FH: variants seen among roughly 807,000 people sequenced by gnomAD.
FH encodes the protein fumarate hydratase, also known as fumarate hydratase, mitochondrial.
Under a neutral mutation model 49.4 loss-of-function variants are expected in FH, and 22 were observed. That is an observed-to-expected ratio of 0.45 (90% CI 0.32 to 0.64). The LOEUF (loss-of-function observed/expected upper bound fraction) is 0.64, where lower values mean the gene tolerates loss of function less well. Among genes scored for constraint, FH ranks in the 30% least tolerant of loss-of-function variants. The pLI, the probability that FH is intolerant of heterozygous loss-of-function variation, is 0.05. For synonymous variants in FH, 208 were observed against 223.0 expected, an observed-to-expected ratio of 0.93 and a Z score of 0.60; for missense variants, 526 against 641.5, an observed-to-expected ratio of 0.82 and a Z score of 1.95.
At chr1:241,499,403 G>A (rs1659711503) in intron 9 of FH, among the ~76,000 whole-genome samples, 1 of 152,180 alleles carries the variant, frequency 6.6e-6, no homozygotes, top group Admixed American at 6.5e-5. Flanking sequence ...CTGCTCACAC[G>A]AGCCTCTGGG....
intron 4 of FH, among the ~76,000 whole-genome samples, chr1:241,511,600 T>C (rs929401540): frequency 6.6e-6 from 1 of 152,146 alleles, no homozygotes; most frequent in African/African-American, 2.4e-5. Context: ...ACTGTATCTA[T>C]GTTAATTTCT....
Position 241,497,799 on chromosome 1 carries a change from T to A in FH, c.*29A>T. Reference sequence around the variant, plus strand: ...AGTCTGTTTTTTTAAATTTTATACATGTTTATTTTCATTATAAATTTATGT... The same window carrying A: ...AGTCTGTTTTTTTAAATTTTATACAAGTTTATTTTCATTATAAATTTATGT... On this transcript the variant is annotated 3_prime_UTR_variant, in exon 10 of 10. Coordinates refer to ENST00000366560, the MANE Select transcript of FH (RefSeq NM_000143.4). 2 of 1,545,158 alleles carry A rather than the reference T, an allele frequency of 1.3e-6. No individual in the cohort carries two copies. The highest frequency in any genetic ancestry group is 1.8e-6 in the Non-Finnish European group (2 of 1,141,132).
chr1:241,512,008 T>C lies in FH; in HGVS notation c.514A>G (p.Lys172Glu), dbSNP rs201154463. The C allele has an allele frequency of 2.5e-6, 4 of 1,613,928 alleles. No individual in the cohort carries two copies. Among genetic ancestry groups the C allele is most frequent in the African/African-American group, 1.3e-5 (1 of 74,932 alleles). The change falls in exon 4 of 10, where the codon AAG becomes GAG. Residue 172 changes from lysine (K) to glutamate (E), a missense_variant. Lys to Glu is a moderately conservative substitution (Grantham distance 56). This residue lies in a region of FH where 383 missense variants were observed against 514.0 expected (regional missense o/e 0.75). Transcript: ENST00000366560. Reference sequence around the variant, plus strand: ...TGATCGTTGGGATGCACAGGTATCTTGCTGCCAAGTTCACCTCCTAACATT... The same window carrying C: ...TGATCGTTGGGATGCACAGGTATCTCGCTGCCAAGTTCACCTCCTAACATT... Reference protein sequence around the residue: ...IEMLGGELGSKIPVHPNDHVN... With the variant: ...IEMLGGELGSEIPVHPNDHVN...
chr1:241,502,367 G>T, intron 8 of FH, 76 bp downstream of exon 8: 1 of 1,560,430 alleles, frequency 6.4e-7, no homozygotes, highest in Non-Finnish European at 8.8e-7. Context: ...GGAATCACTA[G>T]AAGTCTTTAT....
Position 241,519,251 on chromosome 1 carries a change from G to C in FH, c.132+340C>G, listed in dbSNP as rs549821066. On this transcript the variant is annotated intron_variant, in intron 1 of 9. Coordinates refer to ENST00000366560, the MANE Select transcript of FH (RefSeq NM_000143.4). ...CTTGAGGGCAGCGCCCCGGGGCTGGGGGCCTGCGCGCCAGCAGCAGCGAAG... is the reference window on the plus strand; with the variant it reads ...CTTGAGGGCAGCGCCCCGGGGCTGGCGGCCTGCGCGCCAGCAGCAGCGAAG... 91 of 278,496 alleles carry C rather than the reference G, an allele frequency of 3.3e-4. No homozygotes were observed. The East Asian group carries it at 8.4e-3, about 26-fold the overall frequency. 17.3% of individuals were successfully genotyped at this position (278,496 alleles called of 1,614,324 possible).
At chr1:241,513,313 CAAGTA>C (rs1322409481) in intron 3 of FH, among the ~76,000 whole-genome samples, 1 of 151,880 alleles carries the variant, frequency 6.6e-6, no homozygotes, top group African/African-American at 2.4e-5. Context: ...AATAAAAAAT[CAAGTA>C]AAGTTCAAAT....
intron 4 of FH, among the ~76,000 whole-genome samples, chr1:241,510,627 T>C (rs1270544570): frequency 6.6e-6 from 1 of 152,184 alleles, no homozygotes; most frequent in Non-Finnish European, 1.5e-5. Flanking sequence ...GTAGATAAGA[T>C]TCCCTGATGA....
In FH at chr1:241,505,970, T is replaced by G. The variant is rs754201668; in HGVS notation, c.904+33A>C. 4 of 1,607,418 alleles carry G rather than the reference T, an allele frequency of 2.5e-6. No individual in the cohort carries two copies. The African/African-American group carries it at 4.0e-5, about 16-fold the overall frequency. ...TGTACAGACCACGTATAATGAGAAA[T>G]GAAAATGAGAAATAATTCACGTGAT... On this transcript the variant is annotated intron_variant, in intron 6 of 9. Transcript: ENST00000366560.
chr1:241,512,465 T>C (rs140796721), intron 3 of FH, among the ~76,000 whole-genome samples: 24 of 152,322 alleles, frequency 1.6e-4, no homozygotes, highest in South Asian at 1.2e-3. Context: ...ATCCAACAGA[T>C]GTTATTGCCA....
intron 8 of FH, among the ~76,000 whole-genome samples, 184 bp downstream of exon 8, chr1:241,502,259 G>A (rs539939778): frequency 6.6e-6 from 1 of 152,150 alleles, no homozygotes; most frequent in East Asian, 1.9e-4. Context: ...AATTGCTTAG[G>A]TTAAAAGTCA....
rs1467613193 is a variant in FH at position 241,505,994 on chromosome 1, A to T, written c.904+9T>A. On this transcript the variant is annotated intron_variant, in intron 6 of 9. Transcript: ENST00000366560. The stretch of plus-strand genomic sequence containing the variant: ...ATGAAAATGAGAAATAATTCACGTG[A>T]TCACTAACCTGTAAGTGCAGCCACT... The T allele has an allele frequency of 1.2e-6, 2 of 1,613,200 alleles. No homozygotes were observed. The highest frequency in any genetic ancestry group is 2.2e-5 in the South Asian group (2 of 91,064).
intron 6 of FH, 141 bp downstream of exon 6, chr1:241,505,862 T>C (rs2147917402): frequency 2.4e-6 from 2 of 826,868 alleles, no homozygotes; most frequent in Non-Finnish European, 3.9e-6. Context: ...ACTTCAGAAA[T>C]ATACTTAAAA....
intron 6 of FH, among the ~76,000 whole-genome samples, chr1:241,504,462 C>T (rs770978044): frequency 6.6e-6 from 1 of 152,142 alleles, no homozygotes; most frequent in African/African-American, 2.4e-5. Context: ...TTTTTTCAGA[C>T]AGGGTCTCAC....
chr1:241,499,422 T>C (rs1040867858), intron 9 of FH, among the ~76,000 whole-genome samples: 6 of 152,228 alleles, frequency 3.9e-5, no homozygotes, highest in African/African-American at 9.6e-5. Flanking sequence ...GGTTCCCCTT[T>C]GTGTTTTTCC....
intron 4 of FH, among the ~76,000 whole-genome samples, chr1:241,509,560 G>C (rs1486681379): frequency 3.9e-5 from 6 of 152,134 alleles, no homozygotes; most frequent in African/African-American, 1.4e-4. Flanking sequence ...GATCAATTGA[G>C]GCCAGGAGTT....
At chr1:241,507,817 A>G (rs887183726) in intron 5 of FH, among the ~76,000 whole-genome samples, 4 of 152,152 alleles carry the variant, frequency 2.6e-5, no homozygotes, top group African/African-American at 9.7e-5. Context: ...TAGTCCCATC[A>G]TTTGTTTTTC....
chr1:241,511,734 TAG>T (rs1660089005), intron 4 of FH: 2 of 498,752 alleles, frequency 4.0e-6, no homozygotes, highest in Non-Finnish European at 7.1e-6. Flanking sequence ...TATTTCAAAA[TAG>T]AGTTTTAAAC....
At chr1:241,510,269 G>C (rs560226763) in intron 4 of FH, among the ~76,000 whole-genome samples, 2 of 152,156 alleles carry the variant, frequency 1.3e-5, no homozygotes, top group African/African-American at 4.8e-5. Flanking sequence ...GGCTGGGGCA[G>C]AAACAATACA....
At chr1:241,498,145 C>T (rs1002984124) in intron 9 of FH, among the ~76,000 whole-genome samples, 175 bp from the exon 10 acceptor site, 1 of 152,064 alleles carries the variant, frequency 6.6e-6, no homozygotes, top group Non-Finnish European at 1.5e-5. Flanking sequence ...TTATGTAGAA[C>T]ATTTACTTTC....
Sources: allele counts gnomAD v4.1 joint callset (sites outside exome capture counted in the v4.1 genomes callset), GRCh38; gene constraint gnomAD v4.1.1; regional missense constraint gnomAD v4.1.1; transcripts MANE v1.5; gene names NCBI Gene and HGNC (gene_info 2026-07-23, HGNC 2026-07-21).